The following FSTL4 variants were observed in gnomAD, a reference collection of about 807,000 sequenced individuals.
FSTL4 encodes follistatin-related protein 4.
Under a neutral mutation model 78.2 loss-of-function variants are expected in FSTL4, and 28 were observed. That is an observed-to-expected ratio of 0.36 (90% CI 0.27 to 0.49). FSTL4 has a LOEUF of 0.49. Ranked by LOEUF, FSTL4 falls within the 20% of genes least tolerant of loss-of-function variation. The pLI, the probability that FSTL4 is intolerant of heterozygous loss-of-function variation, is 0.98. For missense variants in FSTL4, 922 were observed against 1,084.9 expected (o/e 0.85, Z 2.11); for synonymous variants, 422 against 440.5 (o/e 0.96, Z 0.53).
the FSTL4 span, among the ~76,000 whole-genome samples, chr5:133,796,798 G>C: frequency 0.068 from 10,315 of 152,156 alleles, 399 homozygotes; most frequent in East Asian, 0.17. Flanking sequence ...AACAGGCATG[G>C]CTGTTCCCAT....
At chr5:133,697,424 C>T in the FSTL4 span, among the ~76,000 whole-genome samples, 126 of 152,298 alleles carry the variant, frequency 8.3e-4, 2 homozygotes, top group East Asian at 0.023. Flanking sequence ...ACCATGCTGA[C>T]CTCTTCCCAA....
chr5:133,553,595 A>C (rs1462423187), intron 3 of FSTL4, among the ~76,000 whole-genome samples: 5 of 152,228 alleles, frequency 3.3e-5, no homozygotes, highest in Non-Finnish European at 5.9e-5. Context: ...ATATCACACT[A>C]TCTGGCTACA....
the FSTL4 span, among the ~76,000 whole-genome samples, chr5:133,828,883 T>C: frequency 1.3e-5 from 2 of 152,186 alleles, no homozygotes; most frequent in African/African-American, 4.8e-5. Context: ...AACAAAGAGC[T>C]TTTGATGCTG....
the FSTL4 span, among the ~76,000 whole-genome samples, chr5:133,742,623 G>A: frequency 6.6e-6 from 1 of 152,120 alleles, no homozygotes; most frequent in Non-Finnish European, 1.5e-5. Context: ...TCAGCTCTCG[G>A]AGGGCTGACC....
the FSTL4 span, among the ~76,000 whole-genome samples, chr5:133,660,086 C>A: frequency 6.6e-6 from 1 of 152,216 alleles, no homozygotes; most frequent in Non-Finnish European, 1.5e-5. Flanking sequence ...CACTAGGCTT[C>A]ATTGGTTTCT....
chr5:133,636,240 A>C, the FSTL4 span, among the ~76,000 whole-genome samples: 1 of 152,218 alleles, frequency 6.6e-6, no homozygotes, highest in Non-Finnish European at 1.5e-5. Context: ...GGGAGTTTAT[A>C]GTCTGGCAGG....
chr5:133,204,583 G>GTACTT (rs769701083), intron 14 of FSTL4, among the ~76,000 whole-genome samples: 2 of 152,090 alleles, frequency 1.3e-5, no homozygotes, highest in African/African-American at 2.4e-5. Flanking sequence ...TGTAATCCCA[G>GTACTT]TACTTTGGGA....
the FSTL4 span, among the ~76,000 whole-genome samples, chr5:133,718,365 C>T: frequency 6.6e-6 from 1 of 152,312 alleles, no homozygotes; most frequent in East Asian, 1.9e-4. Flanking sequence ...AGGCATGAGA[C>T]ACTGCGCTTA....
chr5:133,825,036 C>T, the FSTL4 span, among the ~76,000 whole-genome samples: 3 of 152,160 alleles, frequency 2.0e-5, no homozygotes, highest in East Asian at 1.9e-4. Context: ...GGCAAGAGTC[C>T]GTGGTGGCAG....
At chr5:133,507,812 C>T (rs1048256703) in intron 3 of FSTL4, among the ~76,000 whole-genome samples, 14 of 151,610 alleles carry the variant, frequency 9.2e-5, no homozygotes, top group African/African-American at 2.2e-4. Flanking sequence ...TGAGCCACTG[C>T]GCCTGGCTGA....
intron 3 of FSTL4, among the ~76,000 whole-genome samples, chr5:133,453,932 C>G (rs549421687): frequency 1.3e-5 from 2 of 152,212 alleles, no homozygotes; most frequent in Non-Finnish European, 2.9e-5. Flanking sequence ...TGGGATGAGG[C>G]ATCCCAGCAA....
rs747301547 is a variant in FSTL4, at chr5:133,199,702, C to T, written c.1922G>A (p.Gly641Asp). The T allele has an allele frequency of 6.2e-7, 1 of 1,613,454 alleles. No homozygotes were observed. The highest frequency in any genetic ancestry group is 8.5e-7 in the Non-Finnish European group (1 of 1,179,650). Residue 641 changes from glycine (G) to aspartate (D), a missense_variant, in exon 16 of 16, where the codon GGC (glycine) becomes GAC (aspartate). Gly to Asp is a moderately conservative substitution (Grantham distance 94, BLOSUM62 -1). Transcript: ENST00000265342. The surrounding 1 kb of genome is among the most constrained non-coding windows in gnomAD (Gnocchi z 4.4). ...GTGTGCCATGGCCTGGGGCACGCAG[C>T]CATGGTGGTGCAGGCCGATGGTCTT... ...PLKTIGLHHH[G>D]CVPQAMAHTH...
intron 7 of FSTL4, among the ~76,000 whole-genome samples, chr5:133,238,340 G>A (rs902948733): frequency 1.3e-5 from 2 of 152,124 alleles, no homozygotes; most frequent in Non-Finnish European, 2.9e-5. Flanking sequence ...AGCAAAGGGG[G>A]GGTCTCTCCC....
the FSTL4 span, among the ~76,000 whole-genome samples, chr5:133,706,683 C>T: frequency 6.6e-6 from 1 of 152,202 alleles, no homozygotes; most frequent in Non-Finnish European, 1.5e-5. Context: ...TAAACACTCA[C>T]AAGCATGTAC....
rs1751376722 is a variant in FSTL4, at chr5:133,227,693, AAAG to A, written c.1016-1877_1016-1875del. ...TGGCAACCACAGAATAAACTTAAAGAAAGAAGAAGAATCAATGGAGACAGAAGC... is the reference window on the plus strand; with the variant it reads ...TGGCAACCACAGAATAAACTTAAAGAAAGAAGAATCAATGGAGACAGAAGC... On this transcript the variant is annotated intron_variant, in intron 8 of 15. Coordinates refer to ENST00000265342, the MANE Select transcript of FSTL4 (RefSeq NM_015082.2). Among the ~76,000 whole-genome samples, 8 of 152,330 alleles carry A rather than the reference AAAG, an allele frequency of 5.3e-5. No homozygotes were observed. In the South Asian group the frequency reaches 1.5e-3, roughly 28 times the overall value.
intron 2 of FSTL4, among the ~76,000 whole-genome samples, chr5:133,599,906 A>G (rs1760825796): frequency 1.3e-5 from 2 of 152,320 alleles, no homozygotes. Flanking sequence ...ACAAATGCCT[A>G]TTTCTCAAAA....
chr5:133,341,057 C>T (rs964160089), intron 4 of FSTL4, among the ~76,000 whole-genome samples: 13 of 152,042 alleles, frequency 8.6e-5, no homozygotes, highest in Non-Finnish European at 1.5e-4. Flanking sequence ...CAGCAGGGGC[C>T]GCCAGCCCAC....
rs893024081 is a variant in FSTL4 at position 133,316,338 on chromosome 5, T to C, written c.603+121A>G. ...GGCTGGTGGGAAGAACCTGACCTCA[T>C]TTTGTTTGTGAGATGTTCTCAGAGG... On this transcript the variant is annotated intron_variant, in intron 5 of 15. Transcript: ENST00000265342. 1.8e-5 allele frequency: 13 copies of C among 719,006 alleles called. 1 individual carries two copies. The highest frequency in any genetic ancestry group is 4.0e-4 in the Middle Eastern group (1 of 2,482). The allele number at this position is 719,006 out of a possible 1,614,324, so 44.5% of individuals were successfully genotyped here.
chr5:133,543,207 T>C (rs1759511241), intron 3 of FSTL4, among the ~76,000 whole-genome samples: 1 of 152,098 alleles, frequency 6.6e-6, no homozygotes, highest in Non-Finnish European at 1.5e-5. Context: ...TGTGCTATCA[T>C]GCCTGGTTAA....
Sources: gnomAD v4.1 joint callset for allele counts (sites outside exome capture counted in the v4.1 genomes callset) on GRCh38, gnomAD v4.1.1 for gene constraint, Gnocchi (gnomAD v3.1) non-coding constraint, MANE v1.5 for transcripts, NCBI Gene and HGNC (gene_info 2026-07-23, HGNC 2026-07-21) for gene names.